The following AKAP6 variants were observed in gnomAD, a reference collection of about 807,000 sequenced individuals.
AKAP6 encodes A-kinase anchoring protein 6, also known as A-kinase anchor protein 6.
A neutral mutation model predicts 188.5 loss-of-function variants in AKAP6; 58 were observed. The observed-to-expected ratio is 0.31, with a 90% confidence interval of 0.25 to 0.38. AKAP6 has a LOEUF of 0.38. Ranked by LOEUF, AKAP6 falls within the 10% of genes least tolerant of loss-of-function variation. The pLI is 1.00. For missense variants in AKAP6, 2,710 were observed against 2,740.0 expected (o/e 0.99, Z 0.24); for synonymous variants, 989 against 998.6 (o/e 0.99, Z 0.18).
At chr14:32,643,256 CT>C (rs1440346115) in intron 7 of AKAP6, among the ~76,000 whole-genome samples, 1 of 151,972 alleles carries the variant, frequency 6.6e-6, no homozygotes, top group African/African-American at 2.4e-5. Flanking sequence ...TGTTTGCCAC[CT>C]TCTCTTCTTT....
chr14:32,814,937 A>G (rs2034340143), intron 12 of AKAP6, among the ~76,000 whole-genome samples: 3 of 152,140 alleles, frequency 2.0e-5, no homozygotes, highest in African/African-American at 7.2e-5. Context: ...GCCAGGCACT[A>G]TTTTAAGTAC....
At chr14:32,495,644 C>A in intron 2 of AKAP6, among the ~76,000 whole-genome samples, 1 of 152,156 alleles carries the variant, frequency 6.6e-6, no homozygotes, top group Non-Finnish European at 1.5e-5. Context: ...ACACAAAGTG[C>A]GACTTATCTG....
chr14:32,344,724 T>A (rs1320485637), intron 1 of AKAP6, among the ~76,000 whole-genome samples: 1 of 152,122 alleles, frequency 6.6e-6, no homozygotes, highest in African/African-American at 2.4e-5. Flanking sequence ...GAGACCAGCC[T>A]TGCCAACATG....
At chr14:32,709,802 T>C (rs1890964861) in intron 9 of AKAP6, among the ~76,000 whole-genome samples, 1 of 152,082 alleles carries the variant, frequency 6.6e-6, no homozygotes, top group South Asian at 2.1e-4. Context: ...TGTAACTAGC[T>C]CTTCTGTTTT....
At chr14:32,435,152 G>C (rs1890340055) in intron 2 of AKAP6, among the ~76,000 whole-genome samples, 1 of 152,118 alleles carries the variant, frequency 6.6e-6, no homozygotes. Context: ...AAATTTGGAG[G>C]CTCTGCTTTG....
chr14:32,823,527 G>C lies in AKAP6; in HGVS notation c.5714G>C (p.Arg1905Thr). Residue 1905 changes from arginine to threonine, a missense_variant, in exon 13 of 14, where the codon AGG (arginine) becomes ACG (threonine). Coordinates refer to ENST00000280979, the MANE Select transcript of AKAP6 (RefSeq NM_004274.5). The stretch of plus-strand genomic sequence containing the variant: ...GGCAATATTGAAGGTATTCCAGAAA[G>C]GCAAAAGGGAAAACCGAATGTGACT... ...ENGNIEGIPE[R>T]QKGKPNVTSK... 1.2e-6 allele frequency: 2 copies of C among 1,613,790 alleles called. No individual in the cohort carries two copies. Among genetic ancestry groups the C allele is most frequent in the Non-Finnish European group, 1.7e-6 (2 of 1,179,866 alleles).
chr14:32,544,791 A>G (rs372138146), intron 3 of AKAP6, among the ~76,000 whole-genome samples: 77 of 152,290 alleles, frequency 5.1e-4, no homozygotes, highest in African/African-American at 1.7e-3. Context: ...AGCATCTACC[A>G]TGAGTTAGCC....
intron 9 of AKAP6, among the ~76,000 whole-genome samples, chr14:32,696,441 T>C (rs902435541): frequency 6.6e-6 from 1 of 152,194 alleles, no homozygotes; most frequent in African/African-American, 2.4e-5. Flanking sequence ...TAGTAATGTT[T>C]AACAAAACGT....
Position 32,833,363 on chromosome 14 carries a change from C to T in AKAP6, c.*3558C>T, listed in dbSNP as rs2140176873. 1 of 152,202 alleles carries T rather than the reference C, an allele frequency of 6.6e-6. No homozygotes were observed. Among genetic ancestry groups the T allele is most frequent in the African/African-American group, 2.4e-5 (1 of 41,544 alleles). The allele number at this position is 152,202 out of a possible 1,614,324, so 9.4% of individuals were successfully genotyped here. On this transcript the variant is annotated 3_prime_UTR_variant, in exon 14 of 14. Transcript: ENST00000280979. ...ACTTTTGTCTCAATTAAATGATGACCTCATTTAGTTTCTGATGAAGTTTCT... is the reference window on the plus strand; with the variant it reads ...ACTTTTGTCTCAATTAAATGATGACTTCATTTAGTTTCTGATGAAGTTTCT...
intron 7 of AKAP6, among the ~76,000 whole-genome samples, chr14:32,644,273 G>C (rs1887888753): frequency 6.6e-6 from 1 of 152,184 alleles, no homozygotes; most frequent in Non-Finnish European, 1.5e-5. Context: ...TTAGGAATAA[G>C]AAATTGCTAC....
intron 9 of AKAP6, among the ~76,000 whole-genome samples, chr14:32,722,646 G>A (rs1159145946): frequency 5.3e-5 from 8 of 152,158 alleles, no homozygotes; most frequent in African/African-American, 1.9e-4. Flanking sequence ...GTTAAGAGGA[G>A]TTCGGCTGGC....
chr14:32,483,829 T>C (rs1010488216), intron 2 of AKAP6, among the ~76,000 whole-genome samples: 2 of 152,158 alleles, frequency 1.3e-5, no homozygotes, highest in East Asian at 1.9e-4. Context: ...ATGCAGAACG[T>C]GCAGGTTTGT....
intron 1 of AKAP6, among the ~76,000 whole-genome samples, chr14:32,368,206 C>A (rs1211752888): frequency 6.6e-6 from 1 of 152,158 alleles, no homozygotes; most frequent in Admixed American, 6.5e-5. Context: ...GTACCTAGAA[C>A]TGAACATAAT....
chr14:32,741,544 A>AT (rs983462111), intron 11 of AKAP6, among the ~76,000 whole-genome samples: 22 of 145,872 alleles, frequency 1.5e-4, no homozygotes, highest in South Asian at 6.5e-4. Context: ...ATCCATCCCC[A>AT]TTTTTTTTTT....
chr14:32,626,510 C>T (rs141253315), intron 7 of AKAP6, among the ~76,000 whole-genome samples: 272 of 152,208 alleles, frequency 1.8e-3, no homozygotes, highest in African/African-American at 6.2e-3. Flanking sequence ...TGATCCAGCA[C>T]GAAATCGCTT....
intron 2 of AKAP6, among the ~76,000 whole-genome samples, chr14:32,521,170 A>T (rs894446078): frequency 1.3e-5 from 2 of 152,194 alleles, no homozygotes; most frequent in African/African-American, 4.8e-5. Context: ...TAAATTAGGT[A>T]TTGATGGGAT....
Position 32,769,935 on chromosome 14 carries a change from A to G in AKAP6, c.3373-3743A>G, listed in dbSNP as rs189944492. 5.3e-5 allele frequency among the ~76,000 whole-genome samples: 8 copies of G among 152,336 alleles called. No individual in the cohort carries two copies. The East Asian group carries it at 7.7e-4, about 15-fold the overall frequency. On this transcript the variant is annotated intron_variant, in intron 11 of 13. Transcript: ENST00000280979. The stretch of plus-strand genomic sequence containing the variant: ...TATAAGTAAATATCTATCTGTTTGC[A>G]TATATGCACATATTTGATATATAAT...
chr14:32,664,621 A>G (rs1303181413), intron 7 of AKAP6, among the ~76,000 whole-genome samples: 1 of 152,146 alleles, frequency 6.6e-6, no homozygotes, highest in Non-Finnish European at 1.5e-5. Flanking sequence ...TTCATCATAC[A>G]CGCATGCTCT....
intron 9 of AKAP6, among the ~76,000 whole-genome samples, chr14:32,704,165 G>A (rs1367976608): frequency 6.6e-6 from 1 of 152,056 alleles, no homozygotes; most frequent in African/African-American, 2.4e-5. Flanking sequence ...AAATCCAAAT[G>A]ATTACAGATA....
Sources: allele counts gnomAD v4.1 joint callset (sites outside exome capture counted in the v4.1 genomes callset), GRCh38; gene constraint gnomAD v4.1.1; transcripts MANE v1.5; gene names NCBI Gene and HGNC (gene_info 2026-07-23, HGNC 2026-07-21).